CHD6: variants seen among roughly 807,000 people sequenced by gnomAD.
The protein encoded by CHD6 is ATP-dependent chromatin remodeler CHD6.
Under a neutral mutation model 276.9 loss-of-function variants are expected in CHD6, and 50 were observed. That is an observed-to-expected ratio of 0.18 (90% CI 0.14 to 0.23). CHD6 has a LOEUF of 0.23. CHD6 is among the 10% of genes least tolerant of loss of function. The pLI is 1.00. For missense variants in CHD6, 2,564 were observed against 3,365.8 expected (o/e 0.76, Z 5.89); for synonymous variants, 1,173 against 1,229.3 (o/e 0.95, Z 0.96).
chr20:41,590,831 A>G (rs1332848179), intron 1 of CHD6, among the ~76,000 whole-genome samples: 1 of 151,582 alleles, frequency 6.6e-6, no homozygotes, highest in Non-Finnish European at 1.5e-5. Flanking sequence ...AACTAGAAAT[A>G]CCATTTGACC....
chr20:41,449,554 T>C (rs927241137), intron 23 of CHD6, among the ~76,000 whole-genome samples: 9 of 152,228 alleles, frequency 5.9e-5, no homozygotes, highest in Admixed American at 3.3e-4. Flanking sequence ...CAATTCCTTA[T>C]AGCCAGCCCC....
chr20:41,413,211 T>C, intron 35 of CHD6, 113 bp downstream of exon 35: 1 of 747,304 alleles, frequency 1.3e-6, no homozygotes, highest in East Asian at 2.8e-5. Flanking sequence ...GCTGACAGAT[T>C]TCTCCCAAAC....
chr20:41,564,048 A>C lies in CHD6; in HGVS notation c.-23-12688T>G, dbSNP rs765393841. The C allele has an allele frequency of 9.0e-6, 7 of 779,438 alleles. No individual in the cohort carries two copies. The African/African-American group carries it at 1.2e-4, about 13-fold the overall frequency. The allele number at this position is 779,438 out of a possible 1,614,324, so 48.3% of individuals were successfully genotyped here. A position where few individuals can be genotyped will look rare whatever the true frequency, so the allele number is the denominator to read the frequency against. On this transcript the variant is annotated intron_variant, in intron 1 of 36. Coordinates refer to ENST00000373233, the MANE Select transcript of CHD6 (RefSeq NM_032221.5). ...GAGTGAAGATATCTGGGTTCTGAAC[A>C]CAAGCGTTGTGGGATTTGGGCAACT...
intron 1 of CHD6, among the ~76,000 whole-genome samples, chr20:41,615,671 C>T (rs1446405883): frequency 6.6e-6 from 1 of 152,182 alleles, no homozygotes; most frequent in Non-Finnish European, 1.5e-5. Flanking sequence ...GATATTTCTG[C>T]AGGTAGAATC....
In CHD6 at chr20:41,404,430, TG is replaced by T. The variant is rs1263236200; in HGVS notation, c.*162del. 3 of 1,327,530 alleles carry T rather than the reference TG, an allele frequency of 2.3e-6. No homozygotes were observed. In the African/African-American group the frequency reaches 4.4e-5, roughly 20 times the overall value. The allele number at this position is 1,327,530 out of a possible 1,614,324, so 82.2% of individuals were successfully genotyped here. ...CTTATCTAATGAAGTGGTGAGACCCTGCAACTATTAACATCTGTTACCATAG... is the reference window on the plus strand; with the variant it reads ...CTTATCTAATGAAGTGGTGAGACCCTCAACTATTAACATCTGTTACCATAG... On this transcript the variant is annotated 3_prime_UTR_variant, in exon 37 of 37. Transcript: ENST00000373233.
rs2047850276 is a variant in CHD6, at chr20:41,439,988, G to A, written c.4007+12C>T. 8 of 1,613,500 alleles carry A rather than the reference G, an allele frequency of 5.0e-6. No individual in the cohort carries two copies. Among genetic ancestry groups the A allele is most frequent in the South Asian group, 2.2e-5 (2 of 91,044 alleles). On this transcript the variant is annotated intron_variant, in intron 26 of 36. Coordinates refer to ENST00000373233, the MANE Select transcript of CHD6 (RefSeq NM_032221.5). ...GCATGTCACATGAGGGCTGGCCTAC[G>A]TGGCTTCTCACCTTTCAGGAATGTC...
At chr20:41,568,749 G>A (rs1195324712) in intron 1 of CHD6, among the ~76,000 whole-genome samples, 1 of 152,100 alleles carries the variant, frequency 6.6e-6, no homozygotes, top group Non-Finnish European at 1.5e-5. Flanking sequence ...CTTCCATTCA[G>A]GTTTTATGGA....
chr20:41,533,615 C>A, intron 2 of CHD6, 45 bp from the exon 3 acceptor site: 1 of 1,508,230 alleles, frequency 6.6e-7, no homozygotes, highest in Non-Finnish European at 8.9e-7. Flanking sequence ...CCAATTCATG[C>A]TTCAGACAAA....
chr20:41,612,760 T>C (rs1225775973), intron 1 of CHD6, among the ~76,000 whole-genome samples: 4 of 152,246 alleles, frequency 2.6e-5, no homozygotes, highest in Admixed American at 2.0e-4. Flanking sequence ...TTTACTCATA[T>C]ACACTTAAGG....
intron 16 of CHD6, among the ~76,000 whole-genome samples, chr20:41,483,021 G>A (rs2043329388): frequency 6.6e-6 from 1 of 151,946 alleles, no homozygotes; most frequent in African/African-American, 2.4e-5. Context: ...AATGCTATTT[G>A]AATTATTTCC....
chr20:41,606,869 G>A (rs1040010653), intron 1 of CHD6, among the ~76,000 whole-genome samples: 2 of 152,068 alleles, frequency 1.3e-5, no homozygotes, highest in Non-Finnish European at 2.9e-5. Context: ...CTGGGTACTG[G>A]TATTTTTATA....
At chr20:41,530,596 T>C (rs1414805115) in intron 3 of CHD6, among the ~76,000 whole-genome samples, 1 of 152,194 alleles carries the variant, frequency 6.6e-6, no homozygotes, top group East Asian at 1.9e-4. Flanking sequence ...TTAAATCAAT[T>C]AACATGCTTC....
At position 41,533,537 on chromosome 20, in the gene CHD6, T is replaced by C. The variant is rs970810354; in HGVS notation, c.67A>G (p.Met23Val). 4.3e-6 allele frequency: 7 copies of C among 1,610,698 alleles called. No homozygotes were observed. The highest frequency in any genetic ancestry group is 2.7e-5 in the African/African-American group (2 of 74,774). ...SNLKVLNHSPMSDASVNFDYK... is the reference protein window; with the variant it reads ...SNLKVLNHSPVSDASVNFDYK... Reference sequence around the variant, plus strand: ...TCAAAATTGACAGAGGCATCAGACATTGGGGAGTGATTCAAAACTTTTAAA... The same window carrying C: ...TCAAAATTGACAGAGGCATCAGACACTGGGGAGTGATTCAAAACTTTTAAA... The change falls in exon 3 of 37, where the codon ATG becomes GTG. Residue 23 changes from methionine to valine, a missense_variant. Physicochemically the swap from Met to Val is conservative, Grantham distance 21. Around this residue, in one of 7 missense-constraint regions of CHD6, gnomAD observed 286 missense variants for 297.8 expected, o/e 0.96. Coordinates refer to ENST00000373233, the MANE Select transcript of CHD6 (RefSeq NM_032221.5).
chr20:41,415,920 A>G (rs2046981365), intron 33 of CHD6, among the ~76,000 whole-genome samples: 1 of 152,214 alleles, frequency 6.6e-6, no homozygotes. Context: ...TTGCAAGATG[A>G]TAACTCAGAA....
At chr20:41,470,991 C>G (rs1297263283) in intron 17 of CHD6, among the ~76,000 whole-genome samples, 1 of 152,230 alleles carries the variant, frequency 6.6e-6, no homozygotes, top group East Asian at 1.9e-4. Context: ...TTCCAGCTGC[C>G]ATGCCTCACA....
intron 8 of CHD6, chr20:41,497,168 T>G: frequency 4.2e-5 from 22 of 523,788 alleles, no homozygotes; most frequent in East Asian, 6.8e-5. Context: ...CACGCCGTTA[T>G]GAGTTGTCAG....
intron 3 of CHD6, among the ~76,000 whole-genome samples, chr20:41,523,905 G>A (rs1196734711): frequency 3.9e-5 from 6 of 152,134 alleles, no homozygotes; most frequent in Non-Finnish European, 7.4e-5. Flanking sequence ...CTACTAAGAT[G>A]CATTAATTCA....
chr20:41,493,497 C>T (rs777875922), intron 10 of CHD6, 41 bp downstream of exon 10: 66 of 1,591,980 alleles, frequency 4.1e-5, no homozygotes, highest in Non-Finnish European at 5.7e-5. Context: ...CATAAAATTA[C>T]ATGTTCCGAG....
chr20:41,484,811 G>A (rs1401803977), intron 14 of CHD6, among the ~76,000 whole-genome samples: 1 of 152,098 alleles, frequency 6.6e-6, no homozygotes, highest in Non-Finnish European at 1.5e-5. Flanking sequence ...TAATTCACAA[G>A]CAATTACTGA....
Sources: allele counts gnomAD v4.1 joint callset (sites outside exome capture counted in the v4.1 genomes callset), GRCh38; gene constraint gnomAD v4.1.1; regional missense constraint gnomAD v4.1.1; transcripts MANE v1.5; gene names NCBI Gene and HGNC (gene_info 2026-07-23, HGNC 2026-07-21).